Variants in ACAD11 observed in about 807,000 individuals in gnomAD.
The protein encoded by ACAD11 is acyl-CoA dehydrogenase family member 11, also known as acyl-Coenzyme A dehydrogenase family, member 11.
Under a neutral mutation model 102.2 loss-of-function variants are expected in ACAD11, and 83 were observed. The ratio of observed to expected loss-of-function variants is 0.81; its 90% confidence interval spans 0.68 to 0.97. ACAD11 has a LOEUF of 0.97. Ranked by LOEUF, ACAD11 falls within the 50% of genes least tolerant of loss-of-function variation. ACAD11 has a pLI of 0.00. For synonymous variants in ACAD11, 324 were observed against 319.8 expected, an observed-to-expected ratio of 1.01 and a Z score of -0.14; for missense variants, 901 against 951.7, an observed-to-expected ratio of 0.95 and a Z score of 0.70.
intron 1 of ACAD11, among the ~76,000 whole-genome samples, chr3:132,654,842 T>G (rs1290756584): frequency 6.6e-6 from 1 of 152,208 alleles, no homozygotes; most frequent in African/African-American, 2.4e-5. Flanking sequence ...AGCATTTAAT[T>G]GGCACTGATT....
In ACAD11 at chr3:132,644,868, G is replaced by A. The variant is rs1940658211; in HGVS notation, c.178C>T (p.Leu60Phe). 1 of 1,609,604 alleles carries A rather than the reference G, an allele frequency of 6.2e-7. No individual in the cohort carries two copies. The highest frequency in any genetic ancestry group is 8.5e-7 in the Non-Finnish European group (1 of 1,178,280). ...ACATATGTTTGAAAGCCCTTCTGGA[G>A]ATAAAAGGTTGGATTGGACTTTCCT... ...RAGKSNPTFY[L>F]QKGFQTYVLR... The change falls in exon 2 of 20, where the codon CTC becomes TTC. Residue 60 changes from leucine (L) to phenylalanine (F), a missense_variant. Physicochemically the swap from Leu to Phe is conservative, Grantham distance 22 (BLOSUM62 0). Coordinates refer to ENST00000264990, the MANE Select transcript of ACAD11 (RefSeq NM_032169.5).
chr3:132,562,697 A>G (rs146532558), intron 17 of ACAD11, among the ~76,000 whole-genome samples: 8 of 152,300 alleles, frequency 5.3e-5, no homozygotes, highest in East Asian at 1.9e-4. Flanking sequence ...ATCCCCTTCA[A>G]TGTACTGATT....
In ACAD11 at chr3:132,603,830, T is replaced by G. The variant is rs184247317; in HGVS notation, c.1523-503A>C. ...CTTAAGGTCTTCAGAAAGTTCTCCA[T>G]GGGACACCCTTAGACAACTGCTTTA... On this transcript the variant is annotated intron_variant, in intron 12 of 19. Transcript: ENST00000264990. Among the ~76,000 whole-genome samples, 6 of 152,324 alleles carry G rather than the reference T, an allele frequency of 3.9e-5. No individual in the cohort carries two copies. In the East Asian group the frequency reaches 1.2e-3, roughly 29 times the overall value.
At chr3:132,655,614 C>G (rs1258104921) in intron 1 of ACAD11, among the ~76,000 whole-genome samples, 1 of 152,150 alleles carries the variant, frequency 6.6e-6, no homozygotes, top group African/African-American at 2.4e-5. Flanking sequence ...GCCGTGTGCT[C>G]GAGGAAATCT....
At chr3:132,603,944 T>C (rs1403267898) in intron 12 of ACAD11, among the ~76,000 whole-genome samples, 1 of 152,212 alleles carries the variant, frequency 6.6e-6, no homozygotes, top group Non-Finnish European at 1.5e-5. Flanking sequence ...CCTTCAGATA[T>C]CCCATGTGTT....
rs762271844 is a variant in ACAD11, at chr3:132,578,880, G to A, written c.1690C>T (p.His564Tyr). 5 of 1,611,772 alleles carry A rather than the reference G, an allele frequency of 3.1e-6. No homozygotes were observed. The Admixed American group carries it at 6.7e-5, about 22-fold the overall frequency. ...GRTQNTSLSR[H>Y]KQHSMILVPM... The stretch of plus-strand genomic sequence containing the variant: ...ACAAGAATCATGCTGTGCTGTTTGT[G>A]TCTAGTCAAAAGAAAAATTGTATTA... Residue 564 changes from histidine (H) to tyrosine (Y), a missense_variant and splice_region_variant, in exon 15 of 20, where the codon CAC (histidine) becomes TAC (tyrosine). By Grantham distance (83) the His-to-Tyr change is moderately conservative. Coordinates refer to ENST00000264990, the MANE Select transcript of ACAD11 (RefSeq NM_032169.5).
At chr3:132,641,931 C>T (rs1210098232) in intron 4 of ACAD11, 41 bp downstream of exon 4, 2 of 1,536,354 alleles carry the variant, frequency 1.3e-6, no homozygotes, top group Non-Finnish European at 1.8e-6. Context: ...ATATTATTTA[C>T]AAGAACTTGA....
intron 13 of ACAD11, among the ~76,000 whole-genome samples, chr3:132,589,680 G>T (rs1255103592): frequency 6.6e-6 from 1 of 152,000 alleles, no homozygotes; most frequent in East Asian, 1.9e-4. Flanking sequence ...ATGATTTGAG[G>T]TTCATTTTCA....
chr3:132,559,013 C>T lies in ACAD11; in HGVS notation c.2301G>A (p.Met767Ile), dbSNP rs749276532. 2 of 1,613,654 alleles carry T rather than the reference C, an allele frequency of 1.2e-6. No individual in the cohort carries two copies. Among genetic ancestry groups the T allele is most frequent in the Non-Finnish European group, 1.7e-6 (2 of 1,179,818 alleles). Residue 767 changes from methionine (M) to isoleucine (I), a missense_variant, in exon 20 of 20, where the codon ATG (methionine) becomes ATA (isoleucine). Transcript: ENST00000264990. ...DEVHLSAIAT[M>I]ELRDQAKRLT... is the part of the protein sequence containing the mutation. ...GTCTTTTGGCTTGGTCCCGCAGCTCCATTGTTGCGATTGCTGAAAGATGAA... is the reference window on the plus strand; with the variant it reads ...GTCTTTTGGCTTGGTCCCGCAGCTCTATTGTTGCGATTGCTGAAAGATGAA...
In ACAD11 at chr3:132,605,108, G is replaced by A; in HGVS notation, c.1512C>T (p.Phe504=). Residue 504 remains phenylalanine (F), a synonymous_variant, in exon 12 of 20, where the codon TTC becomes TTT. Transcript: ENST00000264990. ...PLLQGNITSC[F]CMTEPDVASS... ...GTGATTGGCATTTACCTGTCATACA[G>A]AAGCAAGAGGTAATGTTCCCTTGAA... 6.2e-7 allele frequency: 1 copy of A among 1,612,076 alleles called. No individual in the cohort carries two copies.
At chr3:132,631,074 A>G (rs1940020211) in intron 6 of ACAD11, among the ~76,000 whole-genome samples, 1 of 152,214 alleles carries the variant, frequency 6.6e-6, no homozygotes, top group Non-Finnish European at 1.5e-5. Context: ...TTGCATCTAA[A>G]AAACACCAAC....
chr3:132,655,935 A>G (rs1267681716), intron 1 of ACAD11, among the ~76,000 whole-genome samples: 1 of 152,240 alleles, frequency 6.6e-6, no homozygotes, highest in African/African-American at 2.4e-5. Context: ...TCTTGCAGAT[A>G]AAAAGAGTAT....
intron 13 of ACAD11, among the ~76,000 whole-genome samples, chr3:132,589,648 A>T (rs1466664580): frequency 6.6e-6 from 1 of 152,216 alleles, no homozygotes; most frequent in African/African-American, 2.4e-5. Context: ...TACTTCTGAA[A>T]ATCAGATTAG....
At chr3:132,644,291 GAAAAAC>G (rs1170587829) in intron 2 of ACAD11, among the ~76,000 whole-genome samples, 20 of 152,070 alleles carry the variant, frequency 1.3e-4, no homozygotes, top group Non-Finnish European at 2.6e-4. Flanking sequence ...TCTCAAGACA[GAAAAAC>G]CTAGTTTTCA....
In ACAD11 at chr3:132,618,765, G is replaced by C. The variant is rs764239731; in HGVS notation, c.1283C>G (p.Ala428Gly). The change falls in exon 11 of 20, where the codon GCC (alanine) becomes GGC (glycine). Residue 428 changes from alanine (A) to glycine (G), a missense_variant. By Grantham distance (60) the Ala-to-Gly change is moderately conservative. Coordinates refer to ENST00000264990, the MANE Select transcript of ACAD11 (RefSeq NM_032169.5). ...PLVIDKLKEM[A>G]KVEGLWNLFL... ...CAAGTTCCAGAGACCCTCGACTTTG[G>C]CCATTTCCTGTCAAGGTGATGAACA... 2 of 1,588,874 alleles carry C rather than the reference G, an allele frequency of 1.3e-6. No homozygotes were observed. Among genetic ancestry groups the C allele is most frequent in the Admixed American group, 3.7e-5 (2 of 54,318 alleles).
At chr3:132,591,365 C>T (rs979433266) in intron 13 of ACAD11, among the ~76,000 whole-genome samples, 1 of 151,780 alleles carries the variant, frequency 6.6e-6, no homozygotes, top group Non-Finnish European at 1.5e-5. Flanking sequence ...GGTCTATGTG[C>T]CCATTTTCAG....
chr3:132,572,130 C>T (rs1937398387), intron 17 of ACAD11, among the ~76,000 whole-genome samples: 1 of 152,128 alleles, frequency 6.6e-6, no homozygotes, highest in South Asian at 2.1e-4. Context: ...CAAACTATCC[C>T]TGTTTGCAGA....
chr3:132,603,691 A>G (rs1389647795), intron 12 of ACAD11, among the ~76,000 whole-genome samples: 2 of 152,236 alleles, frequency 1.3e-5, no homozygotes, highest in Non-Finnish European at 2.9e-5. Context: ...TTGGCAAGAC[A>G]GATTCCCCCC....
Position 132,631,416 on chromosome 3 carries a change from C to T in ACAD11, c.766G>A (p.Ala256Thr). The T allele has an allele frequency of 6.4e-7, 1 of 1,570,072 alleles. No individual in the cohort carries two copies. Among genetic ancestry groups the T allele is most frequent in the Non-Finnish European group, 8.7e-7 (1 of 1,155,714 alleles). The change falls in exon 6 of 20, where the codon GCT becomes ACT. Residue 256 changes from alanine (A) to threonine (T), a missense_variant. Coordinates refer to ENST00000264990, the MANE Select transcript of ACAD11 (RefSeq NM_032169.5). ...STIGHPLSDL[A>T]HFSLFYFWPR... ...CAAAAGTAGAACAGGGAAAAATGAG[C>T]TAAGTCTGACAAAGGATGACCAATG... is the stretch of plus-strand genomic sequence containing the variant.
Sources: allele counts gnomAD v4.1 joint callset (sites outside exome capture counted in the v4.1 genomes callset), GRCh38; gene constraint gnomAD v4.1.1; transcripts MANE v1.5; gene names NCBI Gene and HGNC (gene_info 2026-07-23, HGNC 2026-07-21).